KCNT1: variants seen among roughly 807,000 people sequenced by gnomAD.
KCNT1 encodes the protein potassium channel subfamily T member 1.
In KCNT1, 78 loss-of-function variants were observed where a neutral mutation model predicts 147.8. The observed-to-expected ratio is 0.53, with a 90% CI of 0.44 to 0.64. KCNT1 has a LOEUF of 0.64. Among genes scored for constraint, KCNT1 ranks in the 30% least tolerant of loss-of-function variants. The pLI is 0.00. For missense variants in KCNT1, 1,419 were observed against 1,750.3 expected (o/e 0.81, Z 3.38); for synonymous variants, 867 against 748.8 (o/e 1.16, Z -2.58).
At chr9:135,738,707 T>A (rs899643559) in intron 2 of KCNT1, among the ~76,000 whole-genome samples, 1 of 152,138 alleles carries the variant, frequency 6.6e-6, no homozygotes, top group Non-Finnish European at 1.5e-5. Context: ...TTGCTCCTGG[T>A]GCCCCTGCCC....
chr9:135,759,796 C>G lies in KCNT1; in HGVS notation c.972C>G (p.Ile324Met), dbSNP rs1831785244. ...TVGYGDVTPK[I>M]WPSQLLVVIM... The stretch of plus-strand genomic sequence containing the variant: ...GCTACGGTGACGTCACGCCCAAGAT[C>G]TGGCCATCGCAGCTGCTGGTGGTCA... The change falls in exon 11 of 31, where the codon ATC (isoleucine) becomes ATG (methionine). Residue 324 changes from isoleucine to methionine, a missense_variant. Ile to Met is a conservative substitution (Grantham distance 10). This residue lies in a region of KCNT1 where 401 missense variants were observed against 610.6 expected (regional missense o/e 0.66). Coordinates refer to ENST00000371757, the MANE Select transcript of KCNT1 (RefSeq NM_020822.3). 6.2e-7 allele frequency: 1 copy of G among 1,613,500 alleles called. No individual in the cohort carries two copies. Among genetic ancestry groups the G allele is most frequent in the Non-Finnish European group, 8.5e-7 (1 of 1,179,840 alleles).
chr9:135,716,888 G>T (rs181304294), intron 2 of KCNT1, among the ~76,000 whole-genome samples: 3 of 152,220 alleles, frequency 2.0e-5, no homozygotes, highest in Non-Finnish European at 4.4e-5. Context: ...TAGAGCTTCG[G>T]GGCTGTGTGG....
rs985052510 is a variant in KCNT1, at chr9:135,722,582, A to G, written c.254+7862A>G. Among the ~76,000 whole-genome samples the G allele has an allele frequency of 2.6e-5, 4 of 152,214 alleles. No individual in the cohort carries two copies. The East Asian group carries it at 5.8e-4, about 22-fold the overall frequency. On this transcript the variant is annotated intron_variant, in intron 2 of 30. Coordinates refer to ENST00000371757, the MANE Select transcript of KCNT1 (RefSeq NM_020822.3). ...CCTCGTCTCAGTCTTCCCAGCTGCT[A>G]TGGAAAAGCACCACAGACCCGGCAG...
chr9:135,743,693 T>A (rs969112807), intron 2 of KCNT1, among the ~76,000 whole-genome samples: 1 of 152,216 alleles, frequency 6.6e-6, no homozygotes, highest in Non-Finnish European at 1.5e-5. Context: ...TGGATGCGTC[T>A]GCAGCCGAGG....
chr9:135,760,133 G>T (rs926241724), intron 11 of KCNT1, among the ~76,000 whole-genome samples: 14 of 152,258 alleles, frequency 9.2e-5, no homozygotes, highest in African/African-American at 3.4e-4. Flanking sequence ...AGGGTGACCT[G>T]CCCCTCCCAG....
chr9:135,728,734 G>A (rs528705515), intron 2 of KCNT1, among the ~76,000 whole-genome samples: 9 of 152,342 alleles, frequency 5.9e-5, no homozygotes, highest in African/African-American at 1.2e-4. Flanking sequence ...TCTCCCCAGC[G>A]GCCCCGGCAT....
chr9:135,741,448 C>T (rs901199138), intron 2 of KCNT1, among the ~76,000 whole-genome samples: 7 of 152,238 alleles, frequency 4.6e-5, no homozygotes, highest in Non-Finnish European at 8.8e-5. Flanking sequence ...GAGCTTCAGG[C>T]AGCACCAGGG....
At chr9:135,748,978 G>T (rs1316118669) in intron 2 of KCNT1, among the ~76,000 whole-genome samples, 1 of 152,208 alleles carries the variant, frequency 6.6e-6, no homozygotes, top group Non-Finnish European at 1.5e-5. Context: ...TCCCATGGAG[G>T]ACAGCCCAGC....
chr9:135,719,660 G>A (rs916841269), intron 2 of KCNT1, among the ~76,000 whole-genome samples: 1 of 152,204 alleles, frequency 6.6e-6, no homozygotes, highest in African/African-American at 2.4e-5. Flanking sequence ...CATGAGAGGT[G>A]CCAGGAAGGC....
intron 18 of KCNT1, among the ~76,000 whole-genome samples, chr9:135,771,681 CG>C: frequency 6.6e-6 from 1 of 152,348 alleles, no homozygotes; most frequent in South Asian, 2.1e-4. Context: ...GGGATCCTCC[CG>C]GGGAGCCGCT....
chr9:135,770,897 A>G lies in KCNT1; in HGVS notation c.1810A>G (p.Lys604Glu), dbSNP rs1345537311. Reference protein sequence around the residue: ...CLIGLKREDNKSILLNPGPRH... With the variant: ...CLIGLKREDNESILLNPGPRH... Reference sequence around the variant, plus strand: ...CATCGGGCTGAAGCGGGAGGACAACAAGAGCATCCTGCTGAACCCGGGGCC... The same window carrying G: ...CATCGGGCTGAAGCGGGAGGACAACGAGAGCATCCTGCTGAACCCGGGGCC... The change falls in exon 18 of 31, where the codon AAG (lysine) becomes GAG (glutamate). Residue 604 changes from lysine to glutamate, a missense_variant. Coordinates refer to ENST00000371757, the MANE Select transcript of KCNT1 (RefSeq NM_020822.3). 1 of 1,601,176 alleles carries G rather than the reference A, an allele frequency of 6.2e-7. No homozygotes were observed. The highest frequency in any genetic ancestry group is 2.3e-5 in the East Asian group (1 of 44,366).
intron 2 of KCNT1, among the ~76,000 whole-genome samples, chr9:135,717,165 GC>G (rs1401338164): frequency 6.7e-6 from 1 of 149,890 alleles, no homozygotes; most frequent in Admixed American, 6.6e-5. Flanking sequence ...AGGGGACCTG[GC>G]CCTGTGGTGT....
At chr9:135,746,676 A>T (rs531915279) in intron 2 of KCNT1, among the ~76,000 whole-genome samples, 1 of 152,156 alleles carries the variant, frequency 6.6e-6, no homozygotes, top group East Asian at 1.9e-4. Context: ...GAGGAGCAGG[A>T]GCTCCTTGGA....
At position 135,770,238 on chromosome 9, in the gene KCNT1, G is replaced by A. The variant is rs117467511; in HGVS notation, c.1620-60G>A. The A allele has an allele frequency of 3.4e-3, 5,311 of 1,539,610 alleles. 24 individuals carry two copies. Among genetic ancestry groups the A allele is most frequent in the Non-Finnish European group, 4.1e-3 (4,655 of 1,139,876 alleles). On this transcript the variant is annotated intron_variant, in intron 16 of 30. Transcript: ENST00000371757. ...GAGGGGGGCACCTGCAGACCCAGCC[G>A]GGGAGAAGGGGCAGCCATGGCCGAG...
intron 11 of KCNT1, among the ~76,000 whole-genome samples, chr9:135,764,619 A>C (rs1034200634): frequency 8.5e-5 from 13 of 152,300 alleles, no homozygotes; most frequent in South Asian, 6.2e-4. Flanking sequence ...TCAGACCAGC[A>C]GCCTCAAACC....
chr9:135,737,299 C>T (rs541189389), intron 2 of KCNT1, among the ~76,000 whole-genome samples: 11 of 152,120 alleles, frequency 7.2e-5, no homozygotes, highest in Admixed American at 1.3e-4. Flanking sequence ...TGCAGGTGGC[C>T]GTCCTCTGGG....
At chr9:135,719,202 A>C (rs1835829303) in intron 2 of KCNT1, among the ~76,000 whole-genome samples, 1 of 152,216 alleles carries the variant, frequency 6.6e-6, no homozygotes, top group Non-Finnish European at 1.5e-5. Flanking sequence ...CGGAAGCCTA[A>C]GTGAGCGTCA....
intron 19 of KCNT1, among the ~76,000 whole-genome samples, chr9:135,773,813 G>C (rs1359077651): frequency 6.6e-6 from 1 of 152,208 alleles, no homozygotes; most frequent in Non-Finnish European, 1.5e-5. Flanking sequence ...CGGGGTGGTG[G>C]CCTGCTGGGG....
intron 13 of KCNT1, among the ~76,000 whole-genome samples, chr9:135,768,203 G>A (rs1832424089): frequency 7.1e-6 from 1 of 141,380 alleles, no homozygotes. Flanking sequence ...GCCTGCCAGG[G>A]ATGGGCCAGG....
Sources: allele counts gnomAD v4.1 joint callset (sites outside exome capture counted in the v4.1 genomes callset), GRCh38; gene constraint gnomAD v4.1.1; regional missense constraint gnomAD v4.1.1; transcripts MANE v1.5; gene names NCBI Gene and HGNC (gene_info 2026-07-23, HGNC 2026-07-21).